LPO: variants seen among roughly 807,000 people sequenced by gnomAD.
LPO encodes the protein salivary peroxidase.
LPO carries 70 observed loss-of-function variants against 68.4 expected under a neutral mutation model. The ratio of observed to expected loss-of-function variants is 1.02; its 90% CI spans 0.84 to 1.25. LPO has a LOEUF of 1.25. Ranked by LOEUF, LPO falls within the 50% of genes most tolerant of loss-of-function variation. The pLI, the probability that LPO is intolerant of heterozygous loss-of-function variation, is 0.00. For missense variants in LPO, 873 were observed against 908.4 expected, an observed-to-expected ratio of 0.96 and a Z score of 0.50; for synonymous variants, 360 against 357.6, an observed-to-expected ratio of 1.01 and a Z score of -0.08.
intron 1 of LPO, among the ~76,000 whole-genome samples, chr17:58,242,001 T>C (rs568383002): frequency 6.6e-6 from 1 of 152,190 alleles, no homozygotes; most frequent in African/African-American, 2.4e-5. Flanking sequence ...CTCTCCTTAG[T>C]GTGCTTCTGG....
intron 2 of LPO, 98 bp downstream of exon 2, chr17:58,243,153 G>A: frequency 9.2e-6 from 11 of 1,197,238 alleles, no homozygotes; most frequent in Non-Finnish European, 1.3e-5. Flanking sequence ...CACAGTACGG[G>A]AGGATAGAAG....
chr17:58,252,722 CA>C (rs751233138), intron 8 of LPO, among the ~76,000 whole-genome samples: 25 of 152,116 alleles, frequency 1.6e-4, no homozygotes, highest in Admixed American at 3.9e-4. Flanking sequence ...AGAAAAGTAA[CA>C]AAGAAAATAA....
At chr17:58,254,603 A>C in intron 8 of LPO, 1 of 487,778 alleles carries the variant, frequency 2.1e-6, no homozygotes, top group Non-Finnish European at 3.6e-6. Context: ...AAGGTCACAC[A>C]GCTAAAAAGT....
At position 58,267,480 on chromosome 17, in the gene LPO, A is replaced by T. The variant is rs1282999419; in HGVS notation, c.1825A>T (p.Ile609Phe). 3.1e-6 allele frequency: 5 copies of T among 1,614,208 alleles called. No homozygotes were observed. In the East Asian group the frequency reaches 6.7e-5, roughly 22 times the overall value. The change falls in exon 12 of 13, where the codon ATC becomes TTC. Residue 609 changes from isoleucine to phenylalanine, a missense_variant. Physicochemically the swap from Ile to Phe is conservative, Grantham distance 21. Transcript: ENST00000262290. ...CTACGGGACCCCTGACAACATCGAC[A>T]TCTGGATAGGGGCCATTGCTGAGCC... ...GLYGTPDNID[I>F]WIGAIAEPLV...
chr17:58,250,609 C>T lies in LPO; in HGVS notation c.768C>T (p.Cys256=). 1 of 1,614,082 alleles carries T rather than the reference C, an allele frequency of 6.2e-7. No individual in the cohort carries two copies. The highest frequency in any genetic ancestry group is 1.1e-5 in the South Asian group (1 of 91,078). Residue 256 remains cysteine (C), a synonymous_variant, in exon 7 of 13, where the codon TGC becomes TGT. Transcript: ENST00000262290. ...CDEYCIQGDN[C]FPIMFPPNDP... ...AGTACTGTATCCAGGGAGACAACTG[C>T]TTCCCCATCATGGTACGGCCCTGCA...
chr17:58,249,694 T>C lies in LPO; in HGVS notation c.572T>C (p.Leu191Pro). 1.3e-6 allele frequency: 2 copies of C among 1,565,750 alleles called. No homozygotes were observed. The highest frequency in any genetic ancestry group is 1.7e-6 in the Non-Finnish European group (2 of 1,163,198). ...ACGCGCAACGGCTTCCCTCTCCCGC[T>C]GGTGAGGGCAGGCCGGGCCGGGGTG... Reference protein sequence around the residue: ...GKTRNGFPLPLAREVSNKIVG... With the variant: ...GKTRNGFPLPPAREVSNKIVG... The change falls in exon 6 of 13, where the codon CTG becomes CCG. Residue 191 changes from leucine to proline, a missense_variant and splice_region_variant. Coordinates refer to ENST00000262290, the MANE Select transcript of LPO (RefSeq NM_006151.3).
chr17:58,248,917 G>A (rs1969901750), intron 4 of LPO, 143 bp from the exon 5 acceptor site: 1 of 720,998 alleles, frequency 1.4e-6, no homozygotes, highest in Non-Finnish European at 2.5e-6. Flanking sequence ...CAGATTAATT[G>A]AGAAACCACT....
chr17:58,241,393 G>A (rs1969756453), intron 1 of LPO, among the ~76,000 whole-genome samples: 1 of 152,062 alleles, frequency 6.6e-6, no homozygotes, highest in Non-Finnish European at 1.5e-5. Flanking sequence ...TTACAGGCAT[G>A]AGCCACCACA....
chr17:58,249,200 G>T, intron 5 of LPO, 23 bp downstream of exon 5: 2 of 1,596,828 alleles, frequency 1.3e-6, no homozygotes, highest in Non-Finnish European at 8.6e-7. Context: ...GGGGTGTGGG[G>T]GCCGACCATT....
chr17:58,240,491 T>C (rs1253258049), intron 1 of LPO, among the ~76,000 whole-genome samples: 1 of 152,348 alleles, frequency 6.6e-6, no homozygotes, highest in African/African-American at 2.4e-5. Context: ...AGTGTCCCTC[T>C]AGAATCTTTC....
In LPO at chr17:58,267,881, A is replaced by T; in HGVS notation, c.2026A>T (p.Ile676Phe). The change falls in exon 13 of 13, where the codon ATC becomes TTC. Residue 676 changes from isoleucine (I) to phenylalanine (F), a missense_variant. Physicochemically the swap from Ile to Phe is conservative, Grantham distance 21 (BLOSUM62 0). Transcript: ENST00000262290. Reference sequence around the variant, plus strand: ...ACGCCTTGTCTGTGACAACACCCGCATCACCAAGGTCCCACGGGACCCATT... The same window carrying T: ...ACGCCTTGTCTGTGACAACACCCGCTTCACCAAGGTCCCACGGGACCCATT... ...FSRLVCDNTR[I>F]TKVPRDPFWA... is the part of the protein sequence containing the mutation. The T allele has an allele frequency of 1.2e-6, 2 of 1,614,084 alleles. No individual in the cohort carries two copies.
intron 9 of LPO, among the ~76,000 whole-genome samples, chr17:58,261,871 A>G (rs8178380): frequency 0.044 from 6,761 of 152,322 alleles, 505 homozygotes; most frequent in African/African-American, 0.15. Context: ...ATGGATTTAC[A>G]ACGTATCACA....
chr17:58,249,498 T>C, intron 5 of LPO, 68 bp from the exon 6 acceptor site: 1 of 1,554,708 alleles, frequency 6.4e-7, no homozygotes. Flanking sequence ...CCTTCCCCCA[T>C]GGGGTCCTGG....
rs751180138 is a variant in LPO at position 58,249,603 on chromosome 17, G to A, written c.481G>A (p.Ala161Thr). Residue 161 changes from alanine (A) to threonine (T), a missense_variant, in exon 6 of 13, where the codon GCG becomes ACG. Physicochemically the swap from Ala to Thr is moderately conservative, Grantham distance 58. Coordinates refer to ENST00000262290, the MANE Select transcript of LPO (RefSeq NM_006151.3). ...GCTGGGCGCCGCCAACAGGGCTCTG[G>A]CGCGCTGGCTGCCCGCGGAGTACGA... Reference protein sequence around the residue: ...PALGAANRALARWLPAEYEDG... With the variant: ...PALGAANRALTRWLPAEYEDG... The A allele has an allele frequency of 1.9e-6, 3 of 1,603,680 alleles. No individual in the cohort carries two copies. Among genetic ancestry groups the A allele is most frequent in the East Asian group, 2.2e-5 (1 of 44,734 alleles).
Position 58,253,389 on chromosome 17 carries a change from T to C in LPO, c.1105+883T>C, listed in dbSNP as rs1023776142. On this transcript the variant is annotated intron_variant, in intron 8 of 12. Coordinates refer to ENST00000262290, the MANE Select transcript of LPO (RefSeq NM_006151.3). ...TGTTTTGTTGCTGTTGTTTAGGTAA[T>C]GAACATCTTCATTGATAAATCTTTG... Among the ~76,000 whole-genome samples the C allele has an allele frequency of 7.2e-5, 11 of 152,266 alleles. No individual in the cohort carries two copies. The South Asian group carries it at 2.1e-3, about 29-fold the overall frequency.
intron 9 of LPO, among the ~76,000 whole-genome samples, chr17:58,257,754 G>T (rs929038778): frequency 1.3e-5 from 2 of 152,172 alleles, no homozygotes; most frequent in South Asian, 4.1e-4. Flanking sequence ...TTACATTCCT[G>T]CCAACAGTGC....
At position 58,250,437 on chromosome 17, in the gene LPO, T is replaced by C. The variant is rs548142829; in HGVS notation, c.596T>C (p.Ile199Thr). Residue 199 changes from isoleucine to threonine, a missense_variant, in exon 7 of 13, where the codon ATT becomes ACT. Coordinates refer to ENST00000262290, the MANE Select transcript of LPO (RefSeq NM_006151.3). ...LPLAREVSNK[I>T]VGYLNEEGVL... is the part of the protein sequence containing the mutation. ...TAGGCCCGGGAGGTATCTAACAAGA[T>C]TGTTGGCTATCTGAATGAGGAGGGT... is the stretch of plus-strand genomic sequence containing the variant. The C allele has an allele frequency of 5.9e-5, 95 of 1,614,124 alleles. 1 individual carries two copies. The South Asian group carries it at 9.4e-4, about 16-fold the overall frequency.
intron 8 of LPO, 145 bp from the exon 9 acceptor site, chr17:58,254,666 C>A: frequency 1.5e-6 from 1 of 675,722 alleles, no homozygotes. Flanking sequence ...CTCCCCATCC[C>A]TATTCACCTG....
At chr17:58,266,357 GA>G (rs1458630569) in intron 11 of LPO, 31 bp downstream of exon 11, 2 of 1,604,942 alleles carry the variant, frequency 1.2e-6, no homozygotes, top group Admixed American at 3.4e-5. Flanking sequence ...CTGCACTGGG[GA>G]AATTTTAGCT....
Sources: allele counts gnomAD v4.1 joint callset (sites outside exome capture counted in the v4.1 genomes callset), GRCh38; gene constraint gnomAD v4.1.1; transcripts MANE v1.5; gene names NCBI Gene and HGNC (gene_info 2026-07-23, HGNC 2026-07-21).